RNF111: variants seen among roughly 807,000 people sequenced by gnomAD.
The protein encoded by RNF111 is ring finger protein 111, also known as E3 ubiquitin-protein ligase Arkadia.
Under a neutral mutation model 95.1 loss-of-function variants are expected in RNF111, and 17 were observed. The observed-to-expected ratio is 0.18, with a 90% CI of 0.12 to 0.27. The LOEUF is 0.27. Ranked by LOEUF, RNF111 falls within the 10% of genes least tolerant of loss-of-function variation. The pLI, the probability that RNF111 is intolerant of heterozygous loss-of-function variation, is 1.00. For synonymous variants in RNF111, 440 were observed against 414.8 expected (o/e 1.06, Z -0.74); for missense variants, 1,189 against 1,210.4 (o/e 0.98, Z 0.26).
chr15:59,058,031 A>G (rs1241495758), intron 4 of RNF111, among the ~76,000 whole-genome samples: 1 of 152,250 alleles, frequency 6.6e-6, no homozygotes, highest in Admixed American at 6.5e-5. Flanking sequence ...ATAGTAAGGA[A>G]CTTTTATTTC....
At chr15:59,086,324 G>A (rs1050592163) in intron 10 of RNF111, among the ~76,000 whole-genome samples, 9 of 152,058 alleles carry the variant, frequency 5.9e-5, no homozygotes, top group African/African-American at 2.2e-4. Flanking sequence ...TTCACCATTT[G>A]GCCAGGCTGG....
chr15:58,999,416 A>G (rs1219546567), intron 1 of RNF111, among the ~76,000 whole-genome samples: 1 of 151,886 alleles, frequency 6.6e-6, no homozygotes, highest in South Asian at 2.1e-4. Flanking sequence ...GTTCACTGCA[A>G]TCTCCGCCCC....
intron 1 of RNF111, among the ~76,000 whole-genome samples, chr15:59,022,347 G>A (rs1172355518): frequency 6.6e-6 from 1 of 152,190 alleles, no homozygotes; most frequent in Non-Finnish European, 1.5e-5. Context: ...TCATGTGAAA[G>A]TCTGTCTAAA....
intron 2 of RNF111, among the ~76,000 whole-genome samples, chr15:59,034,817 A>G (rs922800446): frequency 1.3e-5 from 2 of 152,244 alleles, no homozygotes; most frequent in Non-Finnish European, 2.9e-5. Context: ...TAAACTTTTA[A>G]TTTGACTTAT....
chr15:59,003,481 C>T (rs1452067119), intron 1 of RNF111, among the ~76,000 whole-genome samples: 1 of 152,306 alleles, frequency 6.6e-6, no homozygotes, highest in South Asian at 2.1e-4. Context: ...TTACTGCAAC[C>T]TCCACCTCCT....
intron 2 of RNF111, among the ~76,000 whole-genome samples, chr15:59,037,867 C>T (rs1232046677): frequency 6.6e-6 from 1 of 151,972 alleles, no homozygotes; most frequent in Non-Finnish European, 1.5e-5. Flanking sequence ...CAGATTATAT[C>T]TCCTTCAGTC....
chr15:59,050,658 G>T (rs1423227232), intron 2 of RNF111, among the ~76,000 whole-genome samples: 2 of 152,164 alleles, frequency 1.3e-5, no homozygotes, highest in African/African-American at 4.8e-5. Context: ...ATAACTTGAT[G>T]TGTTTGGAAA....
intron 4 of RNF111, among the ~76,000 whole-genome samples, chr15:59,056,457 G>A (rs2042204353): frequency 6.6e-6 from 1 of 152,116 alleles, no homozygotes; most frequent in East Asian, 1.9e-4. Context: ...TCATCTTGAG[G>A]TATTATTAGT....
At chr15:59,062,823 C>T (rs985204570) in intron 5 of RNF111, among the ~76,000 whole-genome samples, 3 of 152,186 alleles carry the variant, frequency 2.0e-5, no homozygotes, top group African/African-American at 4.8e-5. Context: ...GATTTCTCAA[C>T]CTTGGCACTA....
intron 9 of RNF111, among the ~76,000 whole-genome samples, chr15:59,084,591 C>T (rs1316661667): frequency 1.3e-5 from 2 of 152,096 alleles, no homozygotes; most frequent in Non-Finnish European, 2.9e-5. Context: ...ACATTTATCA[C>T]CTCCAATATT....
At chr15:59,057,715 G>A (rs12438208) in intron 4 of RNF111, among the ~76,000 whole-genome samples, 2 of 151,884 alleles carry the variant, frequency 1.3e-5, no homozygotes, top group South Asian at 2.1e-4. Flanking sequence ...ATATAAAAAG[G>A]CATGGAAAGG....
chr15:59,078,752 G>A (rs1016671889), intron 7 of RNF111, among the ~76,000 whole-genome samples: 10 of 151,716 alleles, frequency 6.6e-5, no homozygotes, highest in East Asian at 1.9e-4. Flanking sequence ...GCAGCTACTC[G>A]GGAGGCTGAG....
At chr15:59,066,565 C>T (rs749095524) in intron 5 of RNF111, among the ~76,000 whole-genome samples, 199 bp from the exon 6 acceptor site, 23 of 151,962 alleles carry the variant, frequency 1.5e-4, no homozygotes, top group African/African-American at 4.6e-4. Context: ...GCCAAGATGG[C>T]GCCACTGCAC....
chr15:59,011,603 A>G (rs929970801), intron 1 of RNF111, among the ~76,000 whole-genome samples: 3 of 152,172 alleles, frequency 2.0e-5, no homozygotes, highest in Non-Finnish European at 4.4e-5. Context: ...CTTGGTTTAT[A>G]AATGATCGCT....
At chr15:59,030,780 T>C in intron 1 of RNF111, 24 bp from the exon 2 acceptor site, 8 of 1,475,766 alleles carry the variant, frequency 5.4e-6, no homozygotes, top group Non-Finnish European at 6.4e-6. Context: ...AAAAATCTTT[T>C]AAATATCTAA....
At chr15:59,011,002 G>A (rs1321152648) in intron 1 of RNF111, among the ~76,000 whole-genome samples, 3 of 152,212 alleles carry the variant, frequency 2.0e-5, no homozygotes, top group East Asian at 3.9e-4. Context: ...AACGGTCATC[G>A]TTCTAGACAG....
intron 5 of RNF111, among the ~76,000 whole-genome samples, chr15:59,064,408 C>A (rs1430087359): frequency 6.6e-6 from 1 of 151,518 alleles, no homozygotes; most frequent in Non-Finnish European, 1.5e-5. Context: ...TGGTGGCGGG[C>A]GCCTGTAGTC....
At position 59,058,565 on chromosome 15, in the gene RNF111, G is replaced by A. The variant is rs145710506; in HGVS notation, c.1366+15G>A. ...TTCTATAGGAGGTATGTAAAAAAGT[G>A]GGGGAGGGGAGACTTTTTGTCATTA... On this transcript the variant is annotated intron_variant, in intron 5 of 13. Transcript: ENST00000348370. The A allele has an allele frequency of 5.6e-6, 9 of 1,609,344 alleles. No individual in the cohort carries two copies. In the Admixed American group the frequency reaches 1.0e-4, roughly 18 times the overall value.
At chr15:59,032,798 C>T (rs1427389486) in intron 2 of RNF111, among the ~76,000 whole-genome samples, 2 of 152,116 alleles carry the variant, frequency 1.3e-5, no homozygotes, top group African/African-American at 2.4e-5. Context: ...CTTTTAGTCT[C>T]GACAGTGCAT....
Sources: gnomAD v4.1 joint callset for allele counts (sites outside exome capture counted in the v4.1 genomes callset) on GRCh38, gnomAD v4.1.1 for gene constraint, MANE v1.5 for transcripts, NCBI Gene and HGNC (gene_info 2026-07-23, HGNC 2026-07-21) for gene names.